Variants in ADAD1 observed in about 807,000 individuals in gnomAD.
ADAD1 encodes the protein adenosine deaminase domain-containing protein 1.
A neutral mutation model predicts 66.8 loss-of-function variants in ADAD1; 46 were observed. That is an observed-to-expected ratio of 0.69 (90% CI 0.54 to 0.88). The LOEUF is 0.88. Among genes scored for constraint, ADAD1 ranks in the 40% least tolerant of loss-of-function variants. The pLI is 0.00. For synonymous variants in ADAD1, 248 were observed against 229.4 expected (o/e 1.08, Z -0.73); for missense variants, 617 against 681.8 (o/e 0.91, Z 1.06).
intron 7 of ADAD1, among the ~76,000 whole-genome samples, chr4:122,405,994 G>T (rs1166066241): frequency 1.3e-5 from 2 of 152,128 alleles, no homozygotes; most frequent in East Asian, 1.9e-4. Flanking sequence ...GGACATGTAG[G>T]TTTTTTCTGT....
chr4:122,414,591 T>G (rs1796641930), intron 10 of ADAD1, among the ~76,000 whole-genome samples: 1 of 152,130 alleles, frequency 6.6e-6, no homozygotes, highest in Non-Finnish European at 1.5e-5. Flanking sequence ...GCAGCCCTAG[T>G]AACTATCTCA....
intron 2 of ADAD1, chr4:122,379,656 C>T: frequency 6.4e-6 from 1 of 155,722 alleles, no homozygotes; most frequent in South Asian, 2.0e-4. Context: ...GCCCGTCTTC[C>T]CACATAGAGG....
At chr4:122,380,633 C>G in intron 3 of ADAD1, 1 of 299,714 alleles carries the variant, frequency 3.3e-6, no homozygotes, top group Non-Finnish European at 6.1e-6. Flanking sequence ...TGGATGGGAG[C>G]CAGAAGCTAC....
At chr4:122,388,584 C>T (rs532300491) in intron 5 of ADAD1, among the ~76,000 whole-genome samples, 192 of 152,124 alleles carry the variant, frequency 1.3e-3, no homozygotes, top group African/African-American at 4.0e-3. Context: ...ACTTCTTCCT[C>T]GTTTAGTCTT....
chr4:122,381,616 G>A (rs192149135), intron 4 of ADAD1, among the ~76,000 whole-genome samples: 1 of 152,274 alleles, frequency 6.6e-6, no homozygotes, highest in Admixed American at 6.5e-5. Context: ...CTGCAGACTA[G>A]TCTGTTACAG....
At position 122,426,314 on chromosome 4, in the gene ADAD1, G is replaced by A. The variant is rs537060039; in HGVS notation, c.1618-3312G>A. Among the ~76,000 whole-genome samples the A allele has an allele frequency of 2.8e-4, 42 of 152,138 alleles. 1 individual carries two copies. Among genetic ancestry groups the A allele is most frequent in the Non-Finnish European group, 5.4e-4 (37 of 67,964 alleles). Reference sequence around the variant, plus strand: ...GACTTAACAATAGAATATCCAAATAGAACTTAAGAAATCAAATTACTAATT... The same window carrying A: ...GACTTAACAATAGAATATCCAAATAAAACTTAAGAAATCAAATTACTAATT... On this transcript the variant is annotated intron_variant, in intron 12 of 12. Transcript: ENST00000296513.
intron 5 of ADAD1, among the ~76,000 whole-genome samples, chr4:122,392,009 C>T (rs916195024): frequency 6.6e-6 from 1 of 152,156 alleles, no homozygotes; most frequent in Non-Finnish European, 1.5e-5. Flanking sequence ...CATGCCTGAC[C>T]TTGTACTTGG....
intron 12 of ADAD1, 86 bp downstream of exon 12, chr4:122,421,476 A>G: frequency 1.6e-6 from 2 of 1,222,872 alleles, no homozygotes; most frequent in Non-Finnish European, 2.1e-6. Context: ...CCTTAGCAAA[A>G]GTTTGTTGAA....
chr4:122,423,197 GGAAT>G (rs1797086329), intron 12 of ADAD1, among the ~76,000 whole-genome samples: 1 of 152,088 alleles, frequency 6.6e-6, no homozygotes, highest in South Asian at 2.1e-4. Context: ...TTGGGACAGG[GGAAT>G]GAAAGTTTGC....
At chr4:122,411,413 T>A in intron 9 of ADAD1, 21 bp downstream of exon 9, 1 of 1,592,624 alleles carries the variant, frequency 6.3e-7, no homozygotes, top group Non-Finnish European at 8.5e-7. Flanking sequence ...TAGAAGTTGT[T>A]TTTAAAAGCA....
intron 7 of ADAD1, among the ~76,000 whole-genome samples, chr4:122,398,467 C>A (rs556293959): frequency 1.3e-5 from 2 of 152,154 alleles, no homozygotes; most frequent in Non-Finnish European, 2.9e-5. Flanking sequence ...CATATAATGA[C>A]TTTTTTTCCT....
At chr4:122,424,977 A>C (rs577499672) in intron 12 of ADAD1, among the ~76,000 whole-genome samples, 2 of 152,234 alleles carry the variant, frequency 1.3e-5, no homozygotes, top group Non-Finnish European at 2.9e-5. Context: ...AGACAGAGCA[A>C]CATCTTACAG....
At chr4:122,427,814 C>G (rs192947638) in intron 12 of ADAD1, among the ~76,000 whole-genome samples, 2 of 151,798 alleles carry the variant, frequency 1.3e-5, no homozygotes, top group Non-Finnish European at 2.9e-5. Flanking sequence ...GTGTAAGCCA[C>G]CACACCCAGC....
intron 5 of ADAD1, among the ~76,000 whole-genome samples, chr4:122,384,739 G>A (rs916204017): frequency 2.6e-5 from 4 of 152,134 alleles, no homozygotes; most frequent in South Asian, 2.1e-4. Flanking sequence ...TAGGGCTAGC[G>A]AATGTTTTGC....
In ADAD1 at chr4:122,380,277, C is replaced by G. The variant is rs368965143; in HGVS notation, c.172+36C>G. On this transcript the variant is annotated intron_variant, in intron 3 of 12. Coordinates refer to ENST00000296513, the MANE Select transcript of ADAD1 (RefSeq NM_139243.4). ...TTTCATTTGTAACAATGAGTCAGTT[C>G]TTTAAGATTCTAGGATGGCCAGTAA... The G allele has an allele frequency of 8.9e-6, 14 of 1,576,434 alleles. No individual in the cohort carries two copies. In the African/African-American group the frequency reaches 1.9e-4, roughly 21 times the overall value.
intron 7 of ADAD1, among the ~76,000 whole-genome samples, chr4:122,404,506 C>T (rs533217963): frequency 9.2e-4 from 140 of 152,282 alleles, no homozygotes; most frequent in African/African-American, 3.2e-3. Flanking sequence ...TTTTCCCCAC[C>T]TCACACTTTG....
chr4:122,385,849 A>G (rs531353872), intron 5 of ADAD1, among the ~76,000 whole-genome samples: 6 of 152,262 alleles, frequency 3.9e-5, no homozygotes, highest in South Asian at 2.1e-4. Context: ...GGCTTCATCC[A>G]TGTCCCTTCA....
At chr4:122,425,924 G>A (rs1797213281) in intron 12 of ADAD1, among the ~76,000 whole-genome samples, 1 of 151,846 alleles carries the variant, frequency 6.6e-6, no homozygotes, top group African/African-American at 2.4e-5. Context: ...AGTTATTGGA[G>A]CTTCCAGTTC....
intron 3 of ADAD1, among the ~76,000 whole-genome samples, chr4:122,380,785 CT>C (rs1794855721): frequency 6.6e-6 from 1 of 152,092 alleles, no homozygotes; most frequent in East Asian, 1.9e-4. Flanking sequence ...TTGATATTAC[CT>C]TTTTGCAAAA....
Sources: gnomAD v4.1 joint callset for allele counts (sites outside exome capture counted in the v4.1 genomes callset) on GRCh38, gnomAD v4.1.1 for gene constraint, MANE v1.5 for transcripts, NCBI Gene and HGNC (gene_info 2026-07-23, HGNC 2026-07-21) for gene names.